The following PTPRD variants were observed in gnomAD, a reference collection of about 807,000 sequenced individuals.
PTPRD encodes the protein protein tyrosine phosphatase receptor type D, also known as receptor-type tyrosine-protein phosphatase delta.
In PTPRD, 34 loss-of-function variants were observed where a neutral mutation model predicts 214.5. The observed-to-expected ratio is 0.16, with a 90% CI of 0.12 to 0.21. PTPRD has a LOEUF of 0.21. Among genes scored for constraint, PTPRD ranks in the 10% least tolerant of loss-of-function variants. The pLI is 1.00. For missense variants in PTPRD, 2,545 were observed against 2,398.7 expected, an observed-to-expected ratio of 1.06 and a Z score of -1.27; for synonymous variants, 1,128 against 845.7, an observed-to-expected ratio of 1.33 and a Z score of -5.79.
Position 10,149,733 on chromosome 9 carries a change from C to CT in PTPRD, c.-544-115944dup, listed in dbSNP as rs1368624726. Among the ~76,000 whole-genome samples the CT allele has an allele frequency of 2.7e-3, 388 of 142,340 alleles. 1 individual carries two copies. Among genetic ancestry groups the CT allele is most frequent in the Middle Eastern group, 3.7e-3 (1 of 270 alleles). 93.4% of individuals were successfully genotyped at this position (142,340 alleles called of 152,430 possible). On this transcript the variant is annotated intron_variant, in intron 3 of 45. Transcript: ENST00000381196. ...GGCACAATACCTTGTCTTTTTTTTTCTTTTTTTTTTTTTCTGAGATGGAGT... is the reference window on the plus strand; with the variant it reads ...GGCACAATACCTTGTCTTTTTTTTTCTTTTTTTTTTTTTTCTGAGATGGAGT...
chr9:10,222,953 G>T (rs1244516729), intron 3 of PTPRD, among the ~76,000 whole-genome samples: 3 of 152,050 alleles, frequency 2.0e-5, no homozygotes, highest in African/African-American at 7.2e-5. Context: ...AGTGGGGTCA[G>T]AAGAGGTGTT....
chr9:9,029,754 A>G (rs1233376939), intron 10 of PTPRD, among the ~76,000 whole-genome samples: 1 of 151,864 alleles, frequency 6.6e-6, no homozygotes, highest in African/African-American at 2.4e-5. Flanking sequence ...AGTGGAATGA[A>G]GAGTGTAAGG....
At chr9:10,128,200 A>C (rs2098833778) in intron 3 of PTPRD, among the ~76,000 whole-genome samples, 1 of 152,124 alleles carries the variant, frequency 6.6e-6, no homozygotes, top group Non-Finnish European at 1.5e-5. Flanking sequence ...GCTCTGCTAT[A>C]GGTTGAATTG....
chr9:10,315,434 C>T (rs1367514807), intron 3 of PTPRD, among the ~76,000 whole-genome samples: 1 of 151,694 alleles, frequency 6.6e-6, no homozygotes, highest in East Asian at 1.9e-4. Flanking sequence ...ATTGGAATGT[C>T]TATATGAAAC....
rs955982425 is a variant in PTPRD, at chr9:10,286,556, C to A, written c.-545+54407G>T. On this transcript the variant is annotated intron_variant, in intron 3 of 45. Coordinates refer to ENST00000381196, the MANE Select transcript of PTPRD (RefSeq NM_002839.4). ...TGCATAAGATTAAACACTATTGAAG[C>A]CAATGGTATTTATATACTCAAACTA... 3.9e-4 allele frequency among the ~76,000 whole-genome samples: 59 copies of A among 152,180 alleles called. 1 individual carries two copies. Among genetic ancestry groups the A allele is most frequent in the African/African-American group, 1.4e-3 (57 of 41,524 alleles).
intron 5 of PTPRD, among the ~76,000 whole-genome samples, chr9:9,879,286 T>C (rs915632871): frequency 2.6e-5 from 4 of 152,150 alleles, no homozygotes; most frequent in Admixed American, 2.0e-4. Flanking sequence ...ATCTTGTGTG[T>C]AGGTTGTTTA....
intron 33 of PTPRD, among the ~76,000 whole-genome samples, chr9:8,458,928 C>A (rs372710305): frequency 6.6e-6 from 1 of 151,976 alleles, no homozygotes; most frequent in Admixed American, 6.6e-5. Context: ...CTTTATAACT[C>A]TAAAATAGGA....
At chr9:9,632,737 T>C (rs141406031) in intron 7 of PTPRD, among the ~76,000 whole-genome samples, 1 of 152,124 alleles carries the variant, frequency 6.6e-6, no homozygotes, top group Non-Finnish European at 1.5e-5. Flanking sequence ...ACAGGATGCC[T>C]GACAAACTAT....
intron 36 of PTPRD, among the ~76,000 whole-genome samples, chr9:8,391,312 G>A (rs1312486879): frequency 2.0e-5 from 3 of 152,084 alleles, no homozygotes; most frequent in East Asian, 1.9e-4. Flanking sequence ...ATGAACACAC[G>A]GATATGGAAT....
At chr9:10,370,977 T>C (rs2097601190) in intron 2 of PTPRD, among the ~76,000 whole-genome samples, 1 of 152,056 alleles carries the variant, frequency 6.6e-6, no homozygotes, top group African/African-American at 2.4e-5. Flanking sequence ...TATGCCTCTT[T>C]TCAAAATGAT....
At chr9:10,238,581 C>G (rs1054917836) in intron 3 of PTPRD, among the ~76,000 whole-genome samples, 2 of 151,718 alleles carry the variant, frequency 1.3e-5, no homozygotes, top group Non-Finnish European at 2.9e-5. Flanking sequence ...CTTTAGCTAT[C>G]GAAAGCATAT....
chr9:8,531,226 C>T (rs1410990733), intron 14 of PTPRD, among the ~76,000 whole-genome samples: 1 of 151,910 alleles, frequency 6.6e-6, no homozygotes, highest in Non-Finnish European at 1.5e-5. Flanking sequence ...TTTCAAGGCT[C>T]CAAGAGAAAG....
chr9:9,407,353 T>A (rs1298304570), intron 8 of PTPRD, among the ~76,000 whole-genome samples: 2 of 151,784 alleles, frequency 1.3e-5, no homozygotes. Context: ...GACATTTAGG[T>A]TGTTTCTACC....
chr9:9,704,011 T>C (rs2097549751), intron 7 of PTPRD, among the ~76,000 whole-genome samples: 1 of 152,172 alleles, frequency 6.6e-6, no homozygotes, highest in Non-Finnish European at 1.5e-5. Flanking sequence ...GCCTCCCAAG[T>C]AGCTGGGACT....
chr9:10,149,775 G>T (rs1336223727), intron 3 of PTPRD, among the ~76,000 whole-genome samples: 1 of 150,514 alleles, frequency 6.6e-6, no homozygotes, highest in Non-Finnish European at 1.5e-5. Flanking sequence ...CTGTCGTCCA[G>T]GCTGGAGTGC....
chr9:9,294,152 G>A lies in PTPRD; in HGVS notation c.-203+103297C>T, dbSNP rs142853084. Among the ~76,000 whole-genome samples the A allele has an allele frequency of 3.5e-3, 534 of 151,704 alleles. 6 individuals carry two copies. The highest frequency in any genetic ancestry group is 0.012 in the African/African-American group (506 of 41,438). On this transcript the variant is annotated intron_variant, in intron 9 of 45. Coordinates refer to ENST00000381196, the MANE Select transcript of PTPRD (RefSeq NM_002839.4). ...ATTCACATCCTGGGAGGGATGACATGAAATTTCATCACACTACTAAGAATG... is the reference window on the plus strand; with the variant it reads ...ATTCACATCCTGGGAGGGATGACATAAAATTTCATCACACTACTAAGAATG...
intron 11 of PTPRD, among the ~76,000 whole-genome samples, chr9:8,973,020 A>G (rs2099247961): frequency 1.3e-5 from 2 of 151,890 alleles, no homozygotes; most frequent in African/African-American, 4.8e-5. Context: ...GAAAAAAAAA[A>G]AACACTTTCA....
intron 2 of PTPRD, among the ~76,000 whole-genome samples, chr9:10,388,948 A>T (rs2097990670): frequency 6.6e-6 from 1 of 151,906 alleles, no homozygotes; most frequent in Non-Finnish European, 1.5e-5. Context: ...ATGAAATTGT[A>T]TAGAAGTTGA....
intron 5 of PTPRD, among the ~76,000 whole-genome samples, chr9:9,903,992 CA>C: frequency 6.6e-6 from 1 of 152,242 alleles, no homozygotes. Context: ...GCCCCTGCTT[CA>C]CTTTTGGGAT....
Sources: allele counts gnomAD v4.1 joint callset (sites outside exome capture counted in the v4.1 genomes callset), GRCh38; gene constraint gnomAD v4.1.1; transcripts MANE v1.5; gene names NCBI Gene and HGNC (gene_info 2026-07-23, HGNC 2026-07-21).